The following PLET1 variants were observed in gnomAD, a reference collection of about 807,000 sequenced individuals.
PLET1 encodes placenta-expressed transcript 1 protein.
A neutral mutation model predicts 18.5 loss-of-function variants in PLET1; 20 were observed. The observed-to-expected ratio is 1.08, with a 90% CI of 0.76 to 1.57. The LOEUF (loss-of-function observed/expected upper bound fraction) is 1.57. PLET1 is among the 40% of genes most tolerant of loss of function. The probability of loss-of-function intolerance (pLI) is 0.00; values close to 1 mark genes in which losing one functional copy is unlikely to be tolerated. For missense variants in PLET1, 256 were observed against 246.4 expected (o/e 1.04, Z -0.26); for synonymous variants, 93 against 93.8 (o/e 0.99, Z 0.05).
At chr11:112,254,501 AGTGTGTGTG>A (rs1252825701) in intron 2 of PLET1, among the ~76,000 whole-genome samples, 1,285 of 90,310 alleles carry the variant, frequency 0.014, 9 homozygotes, top group African/African-American at 0.052. Context: ...GTGTGGCATG[AGTGTGTGTG>A]GTGTGTGTGG....
In PLET1 at chr11:112,260,604, T is replaced by C; in HGVS notation, c.-15A>G. 6.5e-7 allele frequency: 1 copy of C among 1,547,848 alleles called. No homozygotes were observed. The highest frequency in any genetic ancestry group is 8.7e-7 in the Non-Finnish European group (1 of 1,145,322). The stretch of plus-strand genomic sequence containing the variant: ...AAGACTGCCATGGTCTCAGTCTGTT[T>C]GGAAAGTGCTAGGCCTGGAATTGGG... On this transcript the variant is annotated 5_prime_UTR_variant, in exon 1 of 4. Transcript: ENST00000338832.
At chr11:112,256,435 T>C (rs530887501) in intron 1 of PLET1, among the ~76,000 whole-genome samples, 4 of 152,276 alleles carry the variant, frequency 2.6e-5, no homozygotes, top group Admixed American at 2.6e-4. Flanking sequence ...ATTCTGACTA[T>C]AGCACTTAGG....
In PLET1 at chr11:112,252,364, C is replaced by T. The variant is rs1860164923; in HGVS notation, c.432G>A (p.Leu144=). The change falls in exon 3 of 4, where the codon CTG becomes CTA. Residue 144 remains leucine (L), a synonymous_variant. Coordinates refer to ENST00000338832, the MANE Select transcript of PLET1 (RefSeq NM_001145024.1). ...GGAACTCACGTTTTTCTCTTAGCTTCAGAGTAGAAAGTATAGGCAGCGCTC... is the reference window on the plus strand; with the variant it reads ...GGAACTCACGTTTTTCTCTTAGCTTTAGAGTAGAAAGTATAGGCAGCGCTC... ...QIRALPILST[L]KLREKLSTLA... is the part of the protein sequence containing the mutation. 6.4e-7 allele frequency: 1 copy of T among 1,551,146 alleles called. No homozygotes were observed. The highest frequency in any genetic ancestry group is 8.7e-7 in the Non-Finnish European group (1 of 1,146,660).
chr11:112,257,911 C>T (rs1860240510), intron 1 of PLET1, among the ~76,000 whole-genome samples: 1 of 152,218 alleles, frequency 6.6e-6, no homozygotes, highest in African/African-American at 2.4e-5. Flanking sequence ...GCAAGGCAAT[C>T]GTGGAGCCTG....
At chr11:112,253,651 G>A (rs1860181509) in intron 2 of PLET1, among the ~76,000 whole-genome samples, 1 of 152,198 alleles carries the variant, frequency 6.6e-6, no homozygotes, top group African/African-American at 2.4e-5. Context: ...CTAAGCAACT[G>A]CTGTCATTGG....
At chr11:112,259,701 A>G (rs10160243) in intron 1 of PLET1, among the ~76,000 whole-genome samples, 3,374 of 152,230 alleles carry the variant, frequency 0.022, 125 homozygotes, top group African/African-American at 0.076. Context: ...GCAGTACACA[A>G]TTATCCCCAG....
At position 112,253,545 on chromosome 11, in the gene PLET1, CTGTT is replaced by C. The variant is rs111807393; in HGVS notation, c.387-1140_387-1137del. Among the ~76,000 whole-genome samples, 1,429 of 152,242 alleles carry C rather than the reference CTGTT, an allele frequency of 9.4e-3. 30 individuals carry two copies. The highest frequency in any genetic ancestry group is 0.032 in the African/African-American group (1,328 of 41,526). On this transcript the variant is annotated intron_variant, in intron 2 of 3. Coordinates refer to ENST00000338832, the MANE Select transcript of PLET1 (RefSeq NM_001145024.1). Reference sequence around the variant, plus strand: ...GGGCCGTTTGTCTTGCGGATGGTCACTGTTTGGTCTTTCATCTCTTGTTGCATGG... The same window carrying C: ...GGGCCGTTTGTCTTGCGGATGGTCACTGGTCTTTCATCTCTTGTTGCATGG...
chr11:112,248,707 T>G lies in PLET1; in HGVS notation c.*92A>C. On this transcript the variant is annotated 3_prime_UTR_variant, in exon 4 of 4. Transcript: ENST00000338832. ...TTGCACATTTGAGAATGTAAAGCCTTCATTTACACACATTCGGTTCCCAGC... is the reference window on the plus strand; with the variant it reads ...TTGCACATTTGAGAATGTAAAGCCTGCATTTACACACATTCGGTTCCCAGC... 7.3e-7 allele frequency: 1 copy of G among 1,378,470 alleles called. No individual in the cohort carries two copies. The highest frequency in any genetic ancestry group is 1.4e-5 in the South Asian group (1 of 70,226). 85.4% of individuals were successfully genotyped at this position (1,378,470 alleles called of 1,614,324 possible). A position where few individuals can be genotyped will look rare whatever the true frequency, so the allele number is the denominator to read the frequency against.
At chr11:112,249,663 G>C (rs1194149685) in intron 3 of PLET1, among the ~76,000 whole-genome samples, 1 of 152,106 alleles carries the variant, frequency 6.6e-6, no homozygotes, top group Admixed American at 6.5e-5. Context: ...TGGACTGTAG[G>C]GAGGTCTGTA....
chr11:112,254,406 C>G (rs58408817), intron 2 of PLET1, among the ~76,000 whole-genome samples: 148,600 of 148,796 alleles, frequency 1, 74,203 homozygotes, highest in Admixed American at 1. Flanking sequence ...GTACCTCTAT[C>G]GTGTGTGTAT....
At chr11:112,260,242 A>G in intron 1 of PLET1, 164 bp downstream of exon 1, 1 of 732,232 alleles carries the variant, frequency 1.4e-6, no homozygotes, top group East Asian at 2.9e-5. Flanking sequence ...CCCCCAGCCC[A>G]CTCCCTTAAT....
intron 1 of PLET1, among the ~76,000 whole-genome samples, chr11:112,257,667 G>C (rs1400836100): frequency 1.3e-5 from 2 of 152,030 alleles, no homozygotes; most frequent in Non-Finnish European, 2.9e-5. Flanking sequence ...AAATGTCACT[G>C]TATTAAGGGT....
intron 3 of PLET1, 43 bp from the exon 4 acceptor site, chr11:112,249,017 A>G: frequency 6.5e-7 from 1 of 1,531,842 alleles, no homozygotes; most frequent in South Asian, 1.2e-5. Context: ...GGAAAATGGC[A>G]TCGGAACCTC....
chr11:112,255,387 C>G lies in PLET1; in HGVS notation c.386+1G>C, dbSNP rs1228090048. 1 of 1,552,120 alleles carries G rather than the reference C, an allele frequency of 6.4e-7. No individual in the cohort carries two copies. Among genetic ancestry groups the G allele is most frequent in the Non-Finnish European group, 8.7e-7 (1 of 1,146,968 alleles). ...CAAAGCAAAGCAAGCTAGGTTCTTA[C>G]TGTATCTCCACTTCAGTTATGTTCT... On this transcript the variant is annotated splice_donor_variant, in intron 2 of 3. Transcript: ENST00000338832. LOFTEE classifies it high-confidence loss of function.
chr11:112,254,356 TTGTA>T (rs1161585366), intron 2 of PLET1, among the ~76,000 whole-genome samples: 24 of 123,886 alleles, frequency 1.9e-4, no homozygotes, highest in Admixed American at 4.1e-4. Context: ...TGTGTGGTAT[TTGTA>T]TGGTGTGTGT....
At chr11:112,254,635 TGTG>T (rs1415781603) in intron 2 of PLET1, among the ~76,000 whole-genome samples, 1 of 67,362 alleles carries the variant, frequency 1.5e-5, no homozygotes, top group Admixed American at 1.7e-4. Flanking sequence ...TATGAGTGTG[TGTG>T]GTGTGTGGTG....
intron 2 of PLET1, among the ~76,000 whole-genome samples, chr11:112,254,721 AGTGTGTGTGTG>A (rs1860197872): frequency 2.8e-5 from 1 of 35,286 alleles, no homozygotes; most frequent in African/African-American, 1.2e-4. Context: ...GTGTGTTGTG[AGTGTGTGTGTG>A]GTGTGTGTGT....
At chr11:112,260,356 T>A in intron 1 of PLET1, 50 bp downstream of exon 1, 3 of 1,486,264 alleles carry the variant, frequency 2.0e-6, no homozygotes, top group South Asian at 2.5e-5. Flanking sequence ...AAATTCTGGT[T>A]AATTTCCCTC....
At position 112,255,964 on chromosome 11, in the gene PLET1, T is replaced by A. The variant is rs554682491; in HGVS notation, c.185-375A>T. Among the ~76,000 whole-genome samples the A allele has an allele frequency of 4.5e-4, 69 of 152,322 alleles. No homozygotes were observed. The East Asian group carries it at 9.7e-3, about 21-fold the overall frequency. Reference sequence around the variant, plus strand: ...CTTTACCTCTCTGAGCCGGGGCCCATTTCTCAGATGAGAAGACAAGCCTGC... The same window carrying A: ...CTTTACCTCTCTGAGCCGGGGCCCAATTCTCAGATGAGAAGACAAGCCTGC... On this transcript the variant is annotated intron_variant, in intron 1 of 3. Coordinates refer to ENST00000338832, the MANE Select transcript of PLET1 (RefSeq NM_001145024.1).
Sources: allele counts gnomAD v4.1 joint callset (sites outside exome capture counted in the v4.1 genomes callset), GRCh38; gene constraint gnomAD v4.1.1; transcripts MANE v1.5; gene names NCBI Gene and HGNC (gene_info 2026-07-23, HGNC 2026-07-21).